Variants in CACNB2 observed in about 807,000 individuals in gnomAD.
CACNB2 encodes calcium voltage-gated channel auxiliary subunit beta 2.
In CACNB2, 42 loss-of-function variants were observed where a neutral mutation model predicts 73.3. The ratio of observed to expected loss-of-function variants is 0.57; its 90% CI spans 0.45 to 0.74. CACNB2 has a LOEUF of 0.74. CACNB2 is among the 30% of genes least tolerant of loss of function. CACNB2 has a pLI of 0.00. For missense variants in CACNB2, 940 were observed against 853.0 expected (o/e 1.10, Z -1.27); for synonymous variants, 348 against 310.3 (o/e 1.12, Z -1.28).
intron 9 of CACNB2, among the ~76,000 whole-genome samples, chr10:18,527,054 C>T (rs1333924939): frequency 6.6e-6 from 1 of 152,204 alleles, no homozygotes; most frequent in Non-Finnish European, 1.5e-5. Flanking sequence ...TTATCTGACA[C>T]TTGTAAGCAA....
At chr10:18,357,895 C>A (rs1424243213) in intron 2 of CACNB2, among the ~76,000 whole-genome samples, 1 of 152,124 alleles carries the variant, frequency 6.6e-6, no homozygotes, top group Non-Finnish European at 1.5e-5. Flanking sequence ...TTTGGGGACC[C>A]ATTAGTTTAG....
rs142129180 is a variant in CACNB2, at chr10:18,300,383, A to G, written c.214-101541A>G. Among the ~76,000 whole-genome samples, 416 of 152,302 alleles carry G rather than the reference A, an allele frequency of 2.7e-3. 2 individuals are homozygous for G. Among genetic ancestry groups the G allele is most frequent in the African/African-American group, 9.5e-3 (393 of 41,578 alleles). ...TGCCTTGGGTAACAAGTTGACTCCT[A>G]CACTCCTGAAATTTCATTGCTGCTA... On this transcript the variant is annotated intron_variant, in intron 2 of 13. Coordinates refer to ENST00000324631, the MANE Select transcript of CACNB2 (RefSeq NM_201596.3).
chr10:18,394,678 T>C (rs1050337422), intron 2 of CACNB2, among the ~76,000 whole-genome samples: 4 of 152,110 alleles, frequency 2.6e-5, no homozygotes, highest in Non-Finnish European at 4.4e-5. Flanking sequence ...TCAGTAAAAA[T>C]GAAGATAATC....
At chr10:18,190,683 C>G (rs2034356052) in intron 2 of CACNB2, among the ~76,000 whole-genome samples, 1 of 152,162 alleles carries the variant, frequency 6.6e-6, no homozygotes, top group African/African-American at 2.4e-5. Flanking sequence ...TTATGTCCTA[C>G]TGAAACCTCA....
chr10:18,154,731 G>A (rs528149759), intron 2 of CACNB2, among the ~76,000 whole-genome samples: 9 of 152,304 alleles, frequency 5.9e-5, no homozygotes, highest in African/African-American at 1.9e-4. Context: ...GCCTCCCAAA[G>A]TGCTGGGATT....
At chr10:18,478,075 G>A (rs1242528879) in intron 3 of CACNB2, among the ~76,000 whole-genome samples, 4 of 152,126 alleles carry the variant, frequency 2.6e-5, no homozygotes, top group Non-Finnish European at 5.9e-5. Context: ...GGGAATACAG[G>A]CAGCGGCCAC....
At chr10:18,243,423 G>A (rs944954793) in intron 2 of CACNB2, among the ~76,000 whole-genome samples, 4 of 152,136 alleles carry the variant, frequency 2.6e-5, no homozygotes, top group Non-Finnish European at 5.9e-5. Flanking sequence ...TGGAAACAAG[G>A]AGAATGGTGA....
At chr10:18,533,165 A>T (rs1397373209) in intron 10 of CACNB2, 1 of 152,084 alleles carries the variant, frequency 6.6e-6, no homozygotes, top group Non-Finnish European at 1.5e-5. Context: ...ATGGAATTCA[A>T]CCTCCACGAC....
At chr10:18,231,122 C>A (rs2036209081) in intron 2 of CACNB2, among the ~76,000 whole-genome samples, 1 of 152,174 alleles carries the variant, frequency 6.6e-6, no homozygotes, top group Admixed American at 6.5e-5. Flanking sequence ...TGCCCTACAT[C>A]TTAGGCCTTT....
At chr10:18,370,586 C>G (rs2042539732) in intron 2 of CACNB2, among the ~76,000 whole-genome samples, 1 of 152,196 alleles carries the variant, frequency 6.6e-6, no homozygotes, top group African/African-American at 2.4e-5. Context: ...TGGCATGAGC[C>G]ATTGCACCTG....
At chr10:18,292,090 C>T (rs181352407) in intron 2 of CACNB2, among the ~76,000 whole-genome samples, 1 of 152,256 alleles carries the variant, frequency 6.6e-6, no homozygotes, top group East Asian at 1.9e-4. Context: ...ATGATTTTAA[C>T]ATGTTTTCAA....
At chr10:18,488,878 TA>T (rs543939630) in intron 3 of CACNB2, among the ~76,000 whole-genome samples, 219 of 143,422 alleles carry the variant, frequency 1.5e-3, no homozygotes, top group East Asian at 5.8e-3. Context: ...GGAGAACATA[TA>T]AAAAAAAAAA....
intron 9 of CACNB2, among the ~76,000 whole-genome samples, chr10:18,523,332 T>A (rs965576133): frequency 6.6e-6 from 1 of 152,222 alleles, no homozygotes; most frequent in African/African-American, 2.4e-5. Context: ...TTTCCTGGAT[T>A]ACTACTTGTA....
At chr10:18,519,643 G>A (rs2051647362) in intron 9 of CACNB2, 1 of 449,472 alleles carries the variant, frequency 2.2e-6, no homozygotes, top group African/African-American at 2.0e-5. Context: ...CCATCACCAT[G>A]TAAAAATGTT....
At chr10:18,419,968 G>A (rs556796060) in intron 3 of CACNB2, among the ~76,000 whole-genome samples, 1 of 152,232 alleles carries the variant, frequency 6.6e-6, no homozygotes, top group Admixed American at 6.5e-5. Flanking sequence ...TAAAATATCA[G>A]GACATTTCTA....
intron 7 of CACNB2, among the ~76,000 whole-genome samples, chr10:18,518,014 C>T (rs1248043805): frequency 6.6e-6 from 1 of 152,326 alleles, no homozygotes; most frequent in Non-Finnish European, 1.5e-5. Flanking sequence ...CCTAAAGCAC[C>T]TATCTTGCAT....
chr10:18,495,862 TTG>T (rs2049781378), intron 3 of CACNB2, among the ~76,000 whole-genome samples: 1 of 151,918 alleles, frequency 6.6e-6, no homozygotes, highest in Non-Finnish European at 1.5e-5. Context: ...CTCTCAAGGA[TTG>T]TGTTTCAGTT....
intron 2 of CACNB2, among the ~76,000 whole-genome samples, chr10:18,321,066 T>C (rs1245232540): frequency 6.6e-6 from 1 of 152,162 alleles, no homozygotes; most frequent in East Asian, 1.9e-4. Flanking sequence ...ATTTCTGAAG[T>C]GCAGTCCAGG....
intron 2 of CACNB2, among the ~76,000 whole-genome samples, chr10:18,210,921 A>G (rs1030093500): frequency 1.3e-5 from 2 of 152,188 alleles, no homozygotes; most frequent in Non-Finnish European, 2.9e-5. Context: ...ACCATTTCTT[A>G]TCTGCATGCC....
Sources: gnomAD v4.1 joint callset for allele counts (sites outside exome capture counted in the v4.1 genomes callset) on GRCh38, gnomAD v4.1.1 for gene constraint, MANE v1.5 for transcripts, NCBI Gene and HGNC (gene_info 2026-07-23, HGNC 2026-07-21) for gene names.